Variants in RPGRIP1 observed in about 807,000 individuals in gnomAD.
The protein encoded by RPGRIP1 is X-linked retinitis pigmentosa GTPase regulator-interacting protein 1.
RPGRIP1 carries 128 observed loss-of-function variants against 157.9 expected under a neutral mutation model. The ratio of observed to expected loss-of-function variants is 0.81; its 90% CI spans 0.70 to 0.94. The LOEUF (loss-of-function observed/expected upper bound fraction) is 0.94. Ranked by LOEUF, RPGRIP1 falls within the 40% of genes least tolerant of loss-of-function variation. RPGRIP1 has a pLI of 0.00. For synonymous variants in RPGRIP1, 554 were observed against 571.6 expected, an observed-to-expected ratio of 0.97 and a Z score of 0.44; for missense variants, 1,486 against 1,545.8, an observed-to-expected ratio of 0.96 and a Z score of 0.65.
intron 23 of RPGRIP1, 25 bp from the exon 24 acceptor site, chr14:21,348,147 T>C: frequency 3.2e-6 from 5 of 1,539,596 alleles, no homozygotes; most frequent in East Asian, 2.3e-5. Context: ...TCAACAGTGC[T>C]GAATTAAATG....
In RPGRIP1 at chr14:21,303,558, C is replaced by T. The variant is rs768757891; in HGVS notation, c.800+15C>T. ...GCAGAGCTTCGGTAAGAGTGTGGCA[C>T]TCCATGCCTCAAACCAAAACGAACT... is the stretch of plus-strand genomic sequence containing the variant. On this transcript the variant is annotated intron_variant, in intron 6 of 24. Transcript: ENST00000400017. 8.8e-6 allele frequency: 14 copies of T among 1,592,416 alleles called. No individual in the cohort carries two copies. In the African/African-American group the frequency reaches 1.9e-4, roughly 21 times the overall value.
rs749333696 is a variant in RPGRIP1, at chr14:21,325,897, C to T, written c.2434C>T (p.Arg812Trp). The T allele has an allele frequency of 2.0e-5, 33 of 1,613,816 alleles. No individual in the cohort carries two copies. Among genetic ancestry groups the T allele is most frequent in the Middle Eastern group, 1.6e-4 (1 of 6,084 alleles). The change falls in exon 17 of 25, where the codon CGG becomes TGG. Residue 812 changes from arginine (R) to tryptophan (W), a missense_variant. Physicochemically the swap from Arg to Trp is moderately radical, Grantham distance 101 (BLOSUM62 -3). Transcript: ENST00000400017. The stretch of plus-strand genomic sequence containing the variant: ...TGAAATCACCAAGTGCTGTGGCCTC[C>T]GGAGTCGATGGCTGGGAACTCAACC... ...WIEITKCCGL[R>W]SRWLGTQPSP...
chr14:21,348,663 C>CTT (rs10561385), intron 24 of RPGRIP1, among the ~76,000 whole-genome samples: 4 of 82,360 alleles, frequency 4.9e-5, no homozygotes, highest in Admixed American at 2.7e-4. Flanking sequence ...TGCATCCAGT[C>CTT]TTTTTTTTTT....
At chr14:21,280,202 C>T (rs1239644673) in intron 1 of RPGRIP1, among the ~76,000 whole-genome samples, 43 bp downstream of exon 1, 1 of 151,400 alleles carries the variant, frequency 6.6e-6, no homozygotes, top group Non-Finnish European at 1.5e-5. Context: ...CCTATGTCTT[C>T]CCTAGGGGTG....
intron 17 of RPGRIP1, among the ~76,000 whole-genome samples, chr14:21,327,221 G>A (rs1883206525): frequency 6.6e-6 from 1 of 152,196 alleles, no homozygotes; most frequent in Non-Finnish European, 1.5e-5. Context: ...TTTCGAAAGA[G>A]CCATTTTGCT....
chr14:21,308,794 G>A (rs1881426886), intron 7 of RPGRIP1, among the ~76,000 whole-genome samples: 1 of 152,214 alleles, frequency 6.6e-6, no homozygotes, highest in African/African-American at 2.4e-5. Flanking sequence ...TATATGAGTA[G>A]GCAGGAGGAG....
chr14:21,305,603 G>A (rs866344584), intron 6 of RPGRIP1, among the ~76,000 whole-genome samples: 7 of 152,192 alleles, frequency 4.6e-5, no homozygotes, highest in Non-Finnish European at 8.8e-5. Flanking sequence ...GCTTATGCCT[G>A]TAATCCCAGT....
At chr14:21,310,720 T>C in intron 8 of RPGRIP1, 113 bp downstream of exon 8, 1 of 661,500 alleles carries the variant, frequency 1.5e-6, no homozygotes, top group Admixed American at 2.8e-5. Flanking sequence ...ACTAAATCAA[T>C]GTTATTATGT....
chr14:21,294,764 T>G lies in RPGRIP1; in HGVS notation c.173T>G (p.Met58Arg). ...DSFFRLREDH[M>R]LVKELSWKQQ... ...TTCTTTCGACTTCGCGAAGATCACA[T>G]GTTGGTGAAGGAGCTTTCTTGGAAG... Residue 58 changes from methionine (M) to arginine (R), a missense_variant, in exon 3 of 25, where the codon ATG becomes AGG. Transcript: ENST00000400017. The G allele has an allele frequency of 6.2e-7, 1 of 1,611,996 alleles. No individual in the cohort carries two copies. The highest frequency in any genetic ancestry group is 8.5e-7 in the Non-Finnish European group (1 of 1,179,038).
intron 6 of RPGRIP1, among the ~76,000 whole-genome samples, chr14:21,307,142 C>T (rs1427339107): frequency 6.6e-6 from 1 of 152,120 alleles, no homozygotes. Context: ...CTGCAACCTC[C>T]GCCTCCCGCA....
intron 7 of RPGRIP1, among the ~76,000 whole-genome samples, chr14:21,308,044 T>A (rs1881391050): frequency 6.6e-6 from 1 of 152,228 alleles, no homozygotes; most frequent in Non-Finnish European, 1.5e-5. Flanking sequence ...AGTTCTCTAT[T>A]AAGAGGAAGG....
rs775458396 is a variant in RPGRIP1, at chr14:21,299,713, G to C, written c.219-1253G>C. On this transcript the variant is annotated intron_variant, in intron 3 of 24. Transcript: ENST00000400017. ...AGTGGCATGGCCAAAGCTACAGTTA[G>C]TAAATGTCAGAACAGACGGGCAGTG... 1.0e-3 allele frequency among the ~76,000 whole-genome samples: 153 copies of C among 152,206 alleles called. 2 individuals carry two copies. Among genetic ancestry groups the C allele is most frequent in the Non-Finnish European group, 2.4e-4 (16 of 68,034 alleles).
intron 24 of RPGRIP1, among the ~76,000 whole-genome samples, chr14:21,349,622 G>A (rs1018187757): frequency 6.6e-5 from 10 of 150,676 alleles, no homozygotes; most frequent in African/African-American, 2.2e-4. Context: ...GGCTGGTCTC[G>A]AACTCCCAAC....
chr14:21,301,585 G>C (rs921160794), intron 4 of RPGRIP1, among the ~76,000 whole-genome samples: 2 of 151,748 alleles, frequency 1.3e-5, no homozygotes, highest in South Asian at 2.1e-4. Flanking sequence ...ATTGAGGCAG[G>C]AGAATCACTT....
chr14:21,327,162 G>A (rs1883199287), intron 17 of RPGRIP1, among the ~76,000 whole-genome samples: 1 of 152,154 alleles, frequency 6.6e-6, no homozygotes, highest in Non-Finnish European at 1.5e-5. Context: ...AAACAGGGGA[G>A]GCAGTATAAG....
chr14:21,305,166 T>A (rs1881248578), intron 6 of RPGRIP1, among the ~76,000 whole-genome samples: 1 of 152,178 alleles, frequency 6.6e-6, no homozygotes, highest in Non-Finnish European at 1.5e-5. Flanking sequence ...TATAGCATCA[T>A]ACAGAATAGC....
intron 1 of RPGRIP1, among the ~76,000 whole-genome samples, chr14:21,287,592 G>A (rs1283784935): frequency 6.6e-6 from 1 of 152,118 alleles, no homozygotes; most frequent in African/African-American, 2.4e-5. Flanking sequence ...GATTCCTGGG[G>A]AGTCAGTCCC....
At chr14:21,340,962 T>C (rs917877628) in intron 21 of RPGRIP1, among the ~76,000 whole-genome samples, 1 of 152,184 alleles carries the variant, frequency 6.6e-6, no homozygotes, top group Non-Finnish European at 1.5e-5. Flanking sequence ...AAACACTGTA[T>C]AGTCAATAGT....
intron 23 of RPGRIP1, among the ~76,000 whole-genome samples, chr14:21,347,663 TAG>T (rs1374698683): frequency 6.6e-6 from 1 of 152,046 alleles, no homozygotes; most frequent in Admixed American, 6.6e-5. Context: ...AGATAGAAAG[TAG>T]ATTAGTGGTT....
Sources: allele counts gnomAD v4.1 joint callset (sites outside exome capture counted in the v4.1 genomes callset), GRCh38; gene constraint gnomAD v4.1.1; transcripts MANE v1.5; gene names NCBI Gene and HGNC (gene_info 2026-07-23, HGNC 2026-07-21).